PTPRD: variants seen among roughly 807,000 people sequenced by gnomAD.
PTPRD encodes protein tyrosine phosphatase receptor type D, also known as receptor-type tyrosine-protein phosphatase delta.
PTPRD carries 34 observed loss-of-function variants against 214.5 expected under a neutral mutation model. That is an observed-to-expected ratio of 0.16 (90% CI 0.12 to 0.21). The LOEUF (loss-of-function observed/expected upper bound fraction) is 0.21, where lower values mean the gene tolerates loss of function less well. Ranked by LOEUF, PTPRD falls within the 10% of genes least tolerant of loss-of-function variation. The pLI, the probability that PTPRD is intolerant of heterozygous loss-of-function variation, is 1.00. For missense variants in PTPRD, 2,545 were observed against 2,398.7 expected (o/e 1.06, Z -1.27); for synonymous variants, 1,128 against 845.7 (o/e 1.33, Z -5.79).
intron 3 of PTPRD, among the ~76,000 whole-genome samples, chr9:10,120,237 G>C (rs956939513): frequency 1.3e-5 from 2 of 151,604 alleles, no homozygotes; most frequent in Admixed American, 6.6e-5. Flanking sequence ...TTTCCCACTA[G>C]TCATAATAAT....
chr9:9,263,409 G>A (rs899917766), intron 9 of PTPRD, among the ~76,000 whole-genome samples: 15 of 151,568 alleles, frequency 9.9e-5, no homozygotes, highest in African/African-American at 3.1e-4. Flanking sequence ...ATAAATGAAC[G>A]ATGATAGTAC....
chr9:10,550,153 T>C (rs572435125), intron 2 of PTPRD, among the ~76,000 whole-genome samples: 3 of 152,338 alleles, frequency 2.0e-5, no homozygotes, highest in Non-Finnish European at 4.4e-5. Flanking sequence ...CAATAACCCA[T>C]TGCTAATCAA....
chr9:8,326,990 G>C (rs1340643889), intron 44 of PTPRD, among the ~76,000 whole-genome samples: 1 of 146,858 alleles, frequency 6.8e-6, no homozygotes, highest in Non-Finnish European at 1.5e-5. Flanking sequence ...CCAGCTCCTG[G>C]ATTCATTGAT....
intron 9 of PTPRD, among the ~76,000 whole-genome samples, chr9:9,288,127 T>C (rs1163416765): frequency 1.3e-5 from 2 of 151,872 alleles, no homozygotes; most frequent in Non-Finnish European, 2.9e-5. Context: ...CCAATTTGTT[T>C]CTTTCCTTCT....
At chr9:10,152,197 T>C (rs773828669) in intron 3 of PTPRD, among the ~76,000 whole-genome samples, 5 of 152,212 alleles carry the variant, frequency 3.3e-5, no homozygotes, top group Non-Finnish European at 7.3e-5. Flanking sequence ...TTAGCATAAG[T>C]GTTTTAAAAG....
chr9:9,332,851 T>A (rs746225045), intron 9 of PTPRD, among the ~76,000 whole-genome samples: 5 of 152,042 alleles, frequency 3.3e-5, no homozygotes, highest in Admixed American at 6.6e-5. Flanking sequence ...TCCTGATACT[T>A]TCATCAAGTG....
intron 14 of PTPRD, among the ~76,000 whole-genome samples, chr9:8,624,782 G>T (rs1177955213): frequency 6.6e-6 from 1 of 151,828 alleles, no homozygotes; most frequent in Non-Finnish European, 1.5e-5. Flanking sequence ...TATGTAGCTA[G>T]AAAGAGCATC....
At chr9:8,381,481 A>G (rs563266585) in intron 37 of PTPRD, among the ~76,000 whole-genome samples, 1 of 151,986 alleles carries the variant, frequency 6.6e-6, no homozygotes, top group South Asian at 2.1e-4. Context: ...GCACTCAATC[A>G]ATATTTGGCT....
At chr9:8,724,698 C>A (rs771030715) in intron 12 of PTPRD, among the ~76,000 whole-genome samples, 11 of 151,994 alleles carry the variant, frequency 7.2e-5, no homozygotes, top group Non-Finnish European at 1.5e-4. Context: ...CGTCGGGAGG[C>A]CAAGGTGGGT....
intron 2 of PTPRD, among the ~76,000 whole-genome samples, chr9:10,508,317 G>T (rs1004797532): frequency 6.6e-6 from 1 of 152,140 alleles, no homozygotes; most frequent in African/African-American, 2.4e-5. Flanking sequence ...AGAGGATGTG[G>T]AGAAATAGGA....
chr9:10,541,048 C>A (rs1004283745), intron 2 of PTPRD, among the ~76,000 whole-genome samples: 1 of 152,138 alleles, frequency 6.6e-6, no homozygotes, highest in African/African-American at 2.4e-5. Flanking sequence ...AACATTGATA[C>A]GCACTACACA....
chr9:8,632,121 T>TTGTGTGTGTGTGTGTGTGTG (rs146691738), intron 14 of PTPRD, among the ~76,000 whole-genome samples: 1 of 144,610 alleles, frequency 6.9e-6, no homozygotes, highest in Admixed American at 7.0e-5. Context: ...AATTGCTTCT[T>TTGTGTGTGTGTGTGTGTGTG]TGTGTGTGTG....
chr9:9,288,377 T>C (rs564101691), intron 9 of PTPRD, among the ~76,000 whole-genome samples: 23 of 152,020 alleles, frequency 1.5e-4, no homozygotes, highest in African/African-American at 5.1e-4. Context: ...TCTATTTTCA[T>C]ACTTTGTTAA....
At chr9:9,196,480 T>C (rs2099938712) in intron 9 of PTPRD, among the ~76,000 whole-genome samples, 1 of 152,184 alleles carries the variant, frequency 6.6e-6, no homozygotes, top group Non-Finnish European at 1.5e-5. Context: ...CATACACTCT[T>C]TTATAAGGAA....
At chr9:10,501,571 A>G (rs981783040) in intron 2 of PTPRD, among the ~76,000 whole-genome samples, 1 of 151,998 alleles carries the variant, frequency 6.6e-6, no homozygotes, top group African/African-American at 2.4e-5. Flanking sequence ...CTGACCTTAA[A>G]GTTCATATCA....
chr9:9,116,688 G>C (rs895699614), intron 10 of PTPRD, among the ~76,000 whole-genome samples: 18 of 151,624 alleles, frequency 1.2e-4, no homozygotes, highest in African/African-American at 4.4e-4. Flanking sequence ...GTTTTTCTTG[G>C]GGGGGAAGGG....
Position 8,653,470 on chromosome 9 carries a change from C to G in PTPRD, c.65-16626G>C, listed in dbSNP as rs139056634. Among the ~76,000 whole-genome samples the G allele has an allele frequency of 1.9e-3, 294 of 152,252 alleles. 1 individual carries two copies. The highest frequency in any genetic ancestry group is 4.0e-3 in the Admixed American group (61 of 15,288). On this transcript the variant is annotated intron_variant, in intron 12 of 45. Transcript: ENST00000381196. ...CTACCCATCCCATGTTCCAAACAGT[C>G]AAACAGCTCCCACCAGTGGTCCTGA...
At chr9:9,706,048 G>T (rs1282103734) in intron 7 of PTPRD, among the ~76,000 whole-genome samples, 1 of 152,066 alleles carries the variant, frequency 6.6e-6, no homozygotes, top group Non-Finnish European at 1.5e-5. Context: ...TCATGAGGAT[G>T]AAGTTAAATA....
intron 9 of PTPRD, among the ~76,000 whole-genome samples, chr9:9,318,107 G>T (rs1215031761): frequency 6.6e-6 from 1 of 151,704 alleles, no homozygotes; most frequent in Admixed American, 6.6e-5. Flanking sequence ...GGATGCGGAG[G>T]TTGCAGTAAG....
Sources: allele counts gnomAD v4.1 joint callset (sites outside exome capture counted in the v4.1 genomes callset), GRCh38; gene constraint gnomAD v4.1.1; transcripts MANE v1.5; gene names NCBI Gene and HGNC (gene_info 2026-07-23, HGNC 2026-07-21).